IMMP2L: variants seen among roughly 807,000 people sequenced by gnomAD.
The protein encoded by IMMP2L is mitochondrial inner membrane protease subunit 2.
Under a neutral mutation model 19.3 loss-of-function variants are expected in IMMP2L, and 18 were observed. The observed-to-expected ratio is 0.93, with a 90% CI of 0.64 to 1.38. IMMP2L has a LOEUF of 1.38. Among genes scored for constraint, IMMP2L ranks in the 40% most tolerant of loss-of-function variants. The pLI, the probability that IMMP2L is intolerant of heterozygous loss-of-function variation, is 0.00. For missense variants in IMMP2L, 233 were observed against 218.2 expected, an observed-to-expected ratio of 1.07 and a Z score of -0.43; for synonymous variants, 76 against 73.0, an observed-to-expected ratio of 1.04 and a Z score of -0.21.
At chr7:110,785,307 T>A (rs1217360574) in intron 5 of IMMP2L, among the ~76,000 whole-genome samples, 1 of 152,016 alleles carries the variant, frequency 6.6e-6, no homozygotes. Context: ...GTAATGGTCA[T>A]TTTAAAATAA....
intron 3 of IMMP2L, among the ~76,000 whole-genome samples, chr7:111,106,701 C>T (rs1179885508): frequency 6.8e-6 from 1 of 146,018 alleles, no homozygotes; most frequent in Non-Finnish European, 1.5e-5. Context: ...TACTGTATAT[C>T]TAGGATGCAC....
chr7:111,200,260 C>T (rs930192082), intron 3 of IMMP2L, among the ~76,000 whole-genome samples: 18 of 152,018 alleles, frequency 1.2e-4, no homozygotes, highest in African/African-American at 4.3e-4. Context: ...ATGATATTGT[C>T]TTTTCTTAGA....
intron 3 of IMMP2L, among the ~76,000 whole-genome samples, chr7:111,267,463 C>T (rs1817952656): frequency 6.6e-6 from 1 of 152,038 alleles, no homozygotes; most frequent in African/African-American, 2.4e-5. Flanking sequence ...GAACTTCATG[C>T]CATCTGTTTC....
intron 1 of IMMP2L, among the ~76,000 whole-genome samples, chr7:111,543,845 T>C (rs1848684963): frequency 6.6e-6 from 1 of 152,170 alleles, no homozygotes; most frequent in South Asian, 2.1e-4. Flanking sequence ...CAAAAGAAGC[T>C]GAACAGAAAA....
intron 3 of IMMP2L, among the ~76,000 whole-genome samples, chr7:111,460,425 C>T (rs1840039088): frequency 6.6e-6 from 1 of 151,974 alleles, no homozygotes; most frequent in African/African-American, 2.4e-5. Flanking sequence ...AACAAATTAA[C>T]CTTTCAGAAA....
At chr7:111,131,628 C>T (rs1216551287) in intron 3 of IMMP2L, among the ~76,000 whole-genome samples, 1 of 151,816 alleles carries the variant, frequency 6.6e-6, no homozygotes, top group Admixed American at 6.6e-5. Flanking sequence ...GACAGGCCTG[C>T]ACATCTCTTT....
intron 3 of IMMP2L, among the ~76,000 whole-genome samples, chr7:111,187,790 G>T (rs1466403617): frequency 6.6e-6 from 1 of 152,088 alleles, no homozygotes; most frequent in Non-Finnish European, 1.5e-5. Context: ...GAAGCACAGA[G>T]ACCTTGAATC....
intron 3 of IMMP2L, among the ~76,000 whole-genome samples, chr7:111,136,844 T>A (rs1802393434): frequency 6.6e-6 from 1 of 152,206 alleles, no homozygotes; most frequent in African/African-American, 2.4e-5. Flanking sequence ...ATGAGAAAGA[T>A]TCTTTCAGCA....
chr7:111,517,793 G>T (rs1238232229), intron 2 of IMMP2L, among the ~76,000 whole-genome samples: 4 of 151,992 alleles, frequency 2.6e-5, no homozygotes, highest in African/African-American at 9.7e-5. Context: ...TTTAAAAAAA[G>T]AAGTACATCT....
intron 2 of IMMP2L, among the ~76,000 whole-genome samples, chr7:111,510,310 T>C (rs1369344052): frequency 6.6e-6 from 1 of 152,142 alleles, no homozygotes; most frequent in Non-Finnish European, 1.5e-5. Context: ...TTTTTCGAGC[T>C]TGTACATCTA....
chr7:111,014,014 T>C (rs1825239182), intron 3 of IMMP2L, among the ~76,000 whole-genome samples: 1 of 152,056 alleles, frequency 6.6e-6, no homozygotes, highest in African/African-American at 2.4e-5. Context: ...CAGCAAAACT[T>C]CATTATTTTG....
rs564367553 is a variant in IMMP2L at position 111,295,958 on chromosome 7, TA to T, written c.239+191279del. 1.7e-4 allele frequency among the ~76,000 whole-genome samples: 24 copies of T among 139,626 alleles called. No individual in the cohort carries two copies. The South Asian group carries it at 4.8e-3, about 28-fold the overall frequency. The allele number at this position is 139,626 out of a possible 152,430, so 91.6% of individuals were successfully genotyped here. A position where few individuals can be genotyped will look rare whatever the true frequency, so the allele number is the denominator to read the frequency against. Reference sequence around the variant, plus strand: ...GAAGAAAATTTTCATGAATTCTGAGTAGGAAAGGATTTATTAGAAAGAATGT... The same window carrying T: ...GAAGAAAATTTTCATGAATTCTGAGTGGAAAGGATTTATTAGAAAGAATGT... On this transcript the variant is annotated intron_variant, in intron 3 of 5. Transcript: ENST00000405709.
intron 4 of IMMP2L, among the ~76,000 whole-genome samples, chr7:110,949,593 T>C (rs1817588887): frequency 6.6e-6 from 1 of 152,194 alleles, no homozygotes. Flanking sequence ...TGGGAATTTA[T>C]TTATTTTATG....
chr7:111,167,011 AG>A (rs755394445), intron 3 of IMMP2L, among the ~76,000 whole-genome samples: 3 of 151,858 alleles, frequency 2.0e-5, no homozygotes, highest in East Asian at 1.9e-4. Context: ...CATCATTCGG[AG>A]GGGGGGCAGG....
chr7:110,873,136 T>C (rs1563043016), intron 5 of IMMP2L, among the ~76,000 whole-genome samples: 1 of 152,092 alleles, frequency 6.6e-6, no homozygotes, highest in Non-Finnish European at 1.5e-5. Context: ...ATGTTCCTGC[T>C]ACATTTATTA....
At chr7:111,094,914 T>C (rs1466890978) in intron 3 of IMMP2L, among the ~76,000 whole-genome samples, 4 of 152,078 alleles carry the variant, frequency 2.6e-5, no homozygotes, top group Non-Finnish European at 4.4e-5. Flanking sequence ...TCTCAATAGA[T>C]GCTATTTAGA....
intron 3 of IMMP2L, among the ~76,000 whole-genome samples, chr7:111,234,861 C>G (rs1325214861): frequency 6.6e-6 from 1 of 152,056 alleles, no homozygotes; most frequent in Non-Finnish European, 1.5e-5. Flanking sequence ...CCTCTCCCAG[C>G]CTTTGCACTA....
intron 3 of IMMP2L, among the ~76,000 whole-genome samples, chr7:111,395,713 G>A (rs1832798742): frequency 6.6e-6 from 1 of 152,068 alleles, no homozygotes; most frequent in Non-Finnish European, 1.5e-5. Context: ...ACTATCTATA[G>A]TAATATTATT....
chr7:111,291,045 T>C (rs972375181), intron 3 of IMMP2L, among the ~76,000 whole-genome samples: 8 of 152,124 alleles, frequency 5.3e-5, no homozygotes, highest in Non-Finnish European at 7.4e-5. Flanking sequence ...AAGTTCTTCA[T>C]GTGCATTTCA....
Sources: gnomAD v4.1 joint callset for allele counts (sites outside exome capture counted in the v4.1 genomes callset) on GRCh38, gnomAD v4.1.1 for gene constraint, MANE v1.5 for transcripts, NCBI Gene and HGNC (gene_info 2026-07-23, HGNC 2026-07-21) for gene names.